The following RBKS variants were observed in gnomAD, a reference collection of about 807,000 sequenced individuals.
The protein encoded by RBKS is ribokinase.
In RBKS, 33 loss-of-function variants were observed where a neutral mutation model predicts 33.9. The observed-to-expected ratio is 0.97, with a 90% CI of 0.74 to 1.30. The LOEUF (loss-of-function observed/expected upper bound fraction) is 1.30, where lower values mean the gene tolerates loss of function less well. RBKS is among the 50% of genes most tolerant of loss of function. The probability of loss-of-function intolerance (pLI) is 0.00; values close to 1 mark genes in which losing one functional copy is unlikely to be tolerated. For synonymous variants in RBKS, 125 were observed against 143.0 expected (o/e 0.87, Z 0.90); for missense variants, 361 against 392.6 (o/e 0.92, Z 0.68).
chr2:27,847,188 C>T, intron 3 of RBKS, 84 bp from the exon 4 acceptor site: 3 of 773,514 alleles, frequency 3.9e-6, no homozygotes, highest in Non-Finnish European at 4.4e-6. Flanking sequence ...CAACACTAAT[C>T]CTTGGAAAAC....
chr2:27,793,668 G>T (rs992601022), intron 7 of RBKS, among the ~76,000 whole-genome samples: 5 of 152,192 alleles, frequency 3.3e-5, no homozygotes, highest in Non-Finnish European at 7.3e-5. Flanking sequence ...TCTTGGATTG[G>T]ATCCTGAACC....
intron 7 of RBKS, among the ~76,000 whole-genome samples, chr2:27,812,960 T>C (rs1213426928): frequency 6.6e-6 from 1 of 151,904 alleles, no homozygotes; most frequent in Non-Finnish European, 1.5e-5. Flanking sequence ...ATCTAAAATA[T>C]GTAGTTTTAT....
intron 2 of RBKS, among the ~76,000 whole-genome samples, chr2:27,855,581 G>A (rs1439375322): frequency 6.6e-6 from 1 of 152,188 alleles, no homozygotes; most frequent in African/African-American, 2.4e-5. Context: ...TGCCCTGGGA[G>A]GAAGACTTTC....
chr2:27,849,745 C>T (rs952211772), intron 2 of RBKS, among the ~76,000 whole-genome samples: 2 of 152,018 alleles, frequency 1.3e-5, no homozygotes, highest in Non-Finnish European at 2.9e-5. Context: ...TGGATCTCCC[C>T]TGTTTTTGTC....
At position 27,781,522 on chromosome 2, in the gene RBKS, G is replaced by A; in HGVS notation, c.*93C>T. 1 of 963,610 alleles carries A rather than the reference G, an allele frequency of 1.0e-6. No homozygotes were observed. Among genetic ancestry groups the A allele is most frequent in the South Asian group, 1.9e-5 (1 of 53,046 alleles). 59.7% of individuals were successfully genotyped at this position (963,610 alleles called of 1,614,324 possible). Reference sequence around the variant, plus strand: ...AAGAACTAATATTTGCAAAGAAAGGGGACGAGGACATTTTCTAATAAGCAT... The same window carrying A: ...AAGAACTAATATTTGCAAAGAAAGGAGACGAGGACATTTTCTAATAAGCAT... On this transcript the variant is annotated 3_prime_UTR_variant, in exon 8 of 8. Coordinates refer to ENST00000302188, the MANE Select transcript of RBKS (RefSeq NM_022128.3).
intron 2 of RBKS, among the ~76,000 whole-genome samples, chr2:27,850,293 C>CT (rs1663714197): frequency 6.6e-6 from 1 of 152,204 alleles, no homozygotes; most frequent in Non-Finnish European, 1.5e-5. Context: ...CTAAGTGGTA[C>CT]TTTGTTACAA....
chr2:27,874,269 A>T (rs1664270878), intron 1 of RBKS, among the ~76,000 whole-genome samples: 1 of 152,218 alleles, frequency 6.6e-6, no homozygotes, highest in Non-Finnish European at 1.5e-5. Context: ...CCTTTTTATG[A>T]TACTCAGTCC....
At position 27,889,267 on chromosome 2, in the gene RBKS, A is replaced by T. The variant is rs377431476; in HGVS notation, c.89+990T>A. Among the ~76,000 whole-genome samples the T allele has an allele frequency of 3.3e-5, 5 of 152,326 alleles. No individual in the cohort carries two copies. In the East Asian group the frequency reaches 7.7e-4, roughly 23 times the overall value. ...GTTTGGTGCAGCAATTTGGTGACTT[A>T]TTTTGATTGTCCCAAAGCCTTTTTG... is the stretch of plus-strand genomic sequence containing the variant. On this transcript the variant is annotated intron_variant, in intron 1 of 7. Coordinates refer to ENST00000302188, the MANE Select transcript of RBKS (RefSeq NM_022128.3).
At chr2:27,866,994 C>T (rs1009122478) in intron 1 of RBKS, among the ~76,000 whole-genome samples, 2 of 151,388 alleles carry the variant, frequency 1.3e-5, no homozygotes, top group Non-Finnish European at 2.9e-5. Flanking sequence ...GTCGCAGCTA[C>T]TTGGGAGGCT....
chr2:27,856,554 C>A (rs1467698226), intron 2 of RBKS, among the ~76,000 whole-genome samples: 1 of 152,142 alleles, frequency 6.6e-6, no homozygotes, highest in Non-Finnish European at 1.5e-5. Context: ...AAAATAAAAT[C>A]AATTTCATAA....
chr2:27,826,322 T>C (rs1678310858), intron 7 of RBKS, among the ~76,000 whole-genome samples: 2 of 152,196 alleles, frequency 1.3e-5, no homozygotes, highest in African/African-American at 4.8e-5. Flanking sequence ...ATTATCTGTT[T>C]CTTCTAAATA....
chr2:27,801,959 A>ATAT (rs1178556801), intron 7 of RBKS, among the ~76,000 whole-genome samples: 37 of 63,394 alleles, frequency 5.8e-4, no homozygotes, highest in South Asian at 2.6e-3. Flanking sequence ...GGAAAAAAAA[A>ATAT]AAAAATATAT....
intron 7 of RBKS, among the ~76,000 whole-genome samples, chr2:27,808,201 A>G (rs1677927489): frequency 6.6e-6 from 1 of 152,240 alleles, no homozygotes; most frequent in Non-Finnish European, 1.5e-5. Context: ...GCAGCACTTC[A>G]CTGCCCAAAG....
intron 6 of RBKS, among the ~76,000 whole-genome samples, chr2:27,828,989 C>T (rs987889716): frequency 6.6e-6 from 1 of 152,144 alleles, no homozygotes; most frequent in African/African-American, 2.4e-5. Flanking sequence ...AACTCTTAAG[C>T]TCAAGCAATC....
At position 27,890,141 on chromosome 2, in the gene RBKS, C is replaced by T; in HGVS notation, c.89+116G>A. 1.1e-6 allele frequency: 1 copy of T among 894,984 alleles called. No individual in the cohort carries two copies. The highest frequency in any genetic ancestry group is 1.7e-6 in the Non-Finnish European group (1 of 584,618). The allele number at this position is 894,984 out of a possible 1,614,324, so 55.4% of individuals were successfully genotyped here. ...GCTTCGAAAACCTGCAGCTCATACC[C>T]AAAGCTAGCACTGTCTATCCCTGGA... On this transcript the variant is annotated intron_variant, in intron 1 of 7. Transcript: ENST00000302188. This position sits in a 1 kb window ranked among gnomAD's most constrained non-coding sequence, Gnocchi z 4.8.
intron 7 of RBKS, among the ~76,000 whole-genome samples, chr2:27,814,749 G>A (rs1678055463): frequency 6.6e-6 from 1 of 152,094 alleles, no homozygotes; most frequent in African/African-American, 2.4e-5. Flanking sequence ...CATCTCTTAG[G>A]GGAGATGTAC....
intron 1 of RBKS, among the ~76,000 whole-genome samples, chr2:27,887,058 G>T (rs191967088): frequency 1.6e-4 from 24 of 152,242 alleles, no homozygotes; most frequent in African/African-American, 5.8e-4. Context: ...CGTGGCAAGG[G>T]GAAATTAAGG....
intron 2 of RBKS, among the ~76,000 whole-genome samples, chr2:27,856,363 C>T (rs1663856107): frequency 6.6e-6 from 1 of 152,174 alleles, no homozygotes; most frequent in Non-Finnish European, 1.5e-5. Flanking sequence ...AACCATCACA[C>T]ACAAATGGTA....
chr2:27,875,342 G>A (rs1471414209), intron 1 of RBKS, among the ~76,000 whole-genome samples: 1 of 152,212 alleles, frequency 6.6e-6, no homozygotes, highest in East Asian at 1.9e-4. Flanking sequence ...TAGGTTAGGA[G>A]TTCGAGAGCA....
Sources: gnomAD v4.1 joint callset for allele counts (sites outside exome capture counted in the v4.1 genomes callset) on GRCh38, gnomAD v4.1.1 for gene constraint, Gnocchi (gnomAD v3.1) non-coding constraint, MANE v1.5 for transcripts, NCBI Gene and HGNC (gene_info 2026-07-23, HGNC 2026-07-21) for gene names.